CCDC25: variants seen among roughly 807,000 people sequenced by gnomAD.
The protein encoded by CCDC25 is coiled-coil domain-containing protein 25.
Under a neutral mutation model 35.3 loss-of-function variants are expected in CCDC25, and 16 were observed. That is an observed-to-expected ratio of 0.45 (90% CI 0.31 to 0.69). The LOEUF (loss-of-function observed/expected upper bound fraction) is 0.69, where lower values mean the gene tolerates loss of function less well. Among genes scored for constraint, CCDC25 ranks in the 30% least tolerant of loss-of-function variants. CCDC25 has a pLI of 0.06. For missense variants in CCDC25, 179 were observed against 250.7 expected (o/e 0.71, Z 1.93); for synonymous variants, 79 against 80.3 (o/e 0.98, Z 0.09).
chr8:27,772,586 C>G lies in CCDC25; in HGVS notation c.-46G>C, dbSNP rs767015559. 9.7e-6 allele frequency: 15 copies of G among 1,540,734 alleles called. No homozygotes were observed. Among genetic ancestry groups the G allele is most frequent in the Non-Finnish European group, 1.3e-5 (15 of 1,140,010 alleles). ...GACTCCACCGCGGAGCAGCAGCGCT[C>G]AACTCACGAAGCTCAGGATACCAGA... On this transcript the variant is annotated 5_prime_UTR_variant, in exon 1 of 9. Coordinates refer to ENST00000356537, the MANE Select transcript of CCDC25 (RefSeq NM_018246.3).
intron 5 of CCDC25, among the ~76,000 whole-genome samples, chr8:27,751,122 T>G (rs1364588093): frequency 6.6e-6 from 1 of 152,216 alleles, no homozygotes; most frequent in East Asian, 1.9e-4. Context: ...TCTCTAGAAT[T>G]AGTAAACTAT....
intron 3 of CCDC25, among the ~76,000 whole-genome samples, chr8:27,759,187 G>A (rs1174405663): frequency 6.6e-6 from 1 of 152,182 alleles, no homozygotes; most frequent in Non-Finnish European, 1.5e-5. Context: ...TCAACTGTCT[G>A]AGGATACAGA....
chr8:27,771,096 C>T (rs1340170708), intron 1 of CCDC25, among the ~76,000 whole-genome samples: 2 of 152,194 alleles, frequency 1.3e-5, no homozygotes, highest in Non-Finnish European at 2.9e-5. Flanking sequence ...TCACTATTGC[C>T]TGATGACCTG....
At chr8:27,768,564 CAAAAA>C (rs368194540) in intron 1 of CCDC25, among the ~76,000 whole-genome samples, 1 of 106,610 alleles carries the variant, frequency 9.4e-6, no homozygotes, top group Admixed American at 9.6e-5. Flanking sequence ...GACTCCATCT[CAAAAA>C]AAAAAAAAAA....
chr8:27,736,594 C>T (rs771090954), intron 8 of CCDC25, among the ~76,000 whole-genome samples: 10 of 152,222 alleles, frequency 6.6e-5, no homozygotes, highest in Non-Finnish European at 5.9e-5. Flanking sequence ...CAAGCAAACA[C>T]TGCCTCAATG....
chr8:27,760,792 T>C (rs924344162), intron 3 of CCDC25, among the ~76,000 whole-genome samples: 2 of 152,222 alleles, frequency 1.3e-5, no homozygotes, highest in African/African-American at 4.8e-5. Flanking sequence ...GACAGGTTTT[T>C]GTGCTGGAAT....
intron 3 of CCDC25, among the ~76,000 whole-genome samples, chr8:27,758,293 A>G (rs1417224197): frequency 6.6e-6 from 1 of 152,214 alleles, no homozygotes; most frequent in Admixed American, 6.5e-5. Context: ...CACACCTAGT[A>G]CAAGATGTAG....
At chr8:27,766,748 T>C (rs1051004679) in intron 1 of CCDC25, among the ~76,000 whole-genome samples, 3 of 151,538 alleles carry the variant, frequency 2.0e-5, no homozygotes, top group African/African-American at 7.3e-5. Flanking sequence ...TTTTACAACC[T>C]AAACATCCCT....
chr8:27,736,077 T>C lies in CCDC25; in HGVS notation c.*139A>G. On this transcript the variant is annotated 3_prime_UTR_variant, in exon 9 of 9. Coordinates refer to ENST00000356537, the MANE Select transcript of CCDC25 (RefSeq NM_018246.3). ...AAAAAAGGTACAATTTTTTTAAAAC[T>C]TGAAAATCAATAATTTCTGGGTAGG... is the stretch of plus-strand genomic sequence containing the variant. 1.3e-6 allele frequency: 1 copy of C among 761,810 alleles called. No individual in the cohort carries two copies. Among genetic ancestry groups the C allele is most frequent in the Admixed American group, 3.1e-5 (1 of 31,882 alleles). 47.2% of individuals were successfully genotyped at this position (761,810 alleles called of 1,614,324 possible).
intron 7 of CCDC25, chr8:27,747,764 C>T (rs1044007895): frequency 1.6e-5 from 5 of 318,424 alleles, no homozygotes; most frequent in Non-Finnish European, 2.9e-5. Flanking sequence ...CCTCCCACAG[C>T]ACCTTTTCCT....
chr8:27,747,385 A>G (rs1347828635), intron 7 of CCDC25, among the ~76,000 whole-genome samples: 1 of 152,236 alleles, frequency 6.6e-6, no homozygotes, highest in African/African-American at 2.4e-5. Flanking sequence ...CTGAAAGGGA[A>G]GATTCTCCCC....
At chr8:27,762,170 G>C (rs921855018) in intron 3 of CCDC25, among the ~76,000 whole-genome samples, 5 of 152,116 alleles carry the variant, frequency 3.3e-5, no homozygotes, top group African/African-American at 1.2e-4. Context: ...ACTTACTATG[G>C]CGTGGAGACA....
intron 2 of CCDC25, among the ~76,000 whole-genome samples, chr8:27,763,391 CA>C (rs1445678600): frequency 1.3e-5 from 2 of 152,150 alleles, no homozygotes; most frequent in Non-Finnish European, 2.9e-5. Context: ...CTGTTTAATA[CA>C]GAATTATTTA....
chr8:27,747,104 G>A (rs1406786015), intron 7 of CCDC25, among the ~76,000 whole-genome samples: 1 of 152,168 alleles, frequency 6.6e-6, no homozygotes, highest in Non-Finnish European at 1.5e-5. Flanking sequence ...AGAACAACTA[G>A]GGGCTCTGCG....
intron 1 of CCDC25, among the ~76,000 whole-genome samples, chr8:27,769,535 C>A (rs1320229473): frequency 6.6e-6 from 1 of 152,100 alleles, no homozygotes; most frequent in Non-Finnish European, 1.5e-5. Context: ...TAAAGAGATG[C>A]CTGAGTTGCC....
intron 1 of CCDC25, among the ~76,000 whole-genome samples, chr8:27,766,975 T>C (rs1804422987): frequency 6.6e-6 from 1 of 152,226 alleles, no homozygotes; most frequent in South Asian, 2.1e-4. Flanking sequence ...ACATACTTCA[T>C]ATGTATGGAA....
intron 7 of CCDC25, among the ~76,000 whole-genome samples, chr8:27,743,763 G>A (rs116882246): frequency 0.045 from 6,928 of 152,282 alleles, 210 homozygotes; most frequent in South Asian, 0.067. Context: ...GCATGGTGGA[G>A]TGAGTCTGTA....
intron 5 of CCDC25, among the ~76,000 whole-genome samples, chr8:27,750,255 G>C (rs992431683): frequency 6.6e-6 from 1 of 152,192 alleles, no homozygotes; most frequent in Non-Finnish European, 1.5e-5. Context: ...CAGAGCTCAG[G>C]GGTTACGGCA....
chr8:27,737,398 A>G lies in CCDC25; in HGVS notation c.598-1153T>C, dbSNP rs1469042114. Among the ~76,000 whole-genome samples the G allele has an allele frequency of 6.6e-6, 1 of 152,340 alleles. No homozygotes were observed. The highest frequency in any genetic ancestry group is 1.9e-4 in the East Asian group (1 of 5,192). On this transcript the variant is annotated intron_variant, in intron 8 of 8. Coordinates refer to ENST00000356537, the MANE Select transcript of CCDC25 (RefSeq NM_018246.3). This position sits in a 1 kb window ranked among gnomAD's most constrained non-coding sequence, Gnocchi z 4.6. ...AAGACAGTCTGGGTTGTCATCAACG[A>G]AAGTAAGCCATTCCCTATAAAGGCT...
Sources: gnomAD v4.1 joint callset for allele counts (sites outside exome capture counted in the v4.1 genomes callset) on GRCh38, gnomAD v4.1.1 for gene constraint, Gnocchi (gnomAD v3.1) non-coding constraint, MANE v1.5 for transcripts, NCBI Gene and HGNC (gene_info 2026-07-23, HGNC 2026-07-21) for gene names.